The following EXOC4 variants were observed in gnomAD, a reference collection of about 807,000 sequenced individuals.
EXOC4 encodes SEC8-like 1.
Under a neutral mutation model 107.2 loss-of-function variants are expected in EXOC4, and 71 were observed. The ratio of observed to expected loss-of-function variants is 0.66; its 90% CI spans 0.55 to 0.81. The LOEUF (loss-of-function observed/expected upper bound fraction) is 0.81. Among genes scored for constraint, EXOC4 ranks in the 30% least tolerant of loss-of-function variants. The pLI is 0.00. For synonymous variants in EXOC4, 456 were observed against 441.2 expected (o/e 1.03, Z -0.42); for missense variants, 1,108 against 1,189.6 (o/e 0.93, Z 1.01).
intron 2 of EXOC4, among the ~76,000 whole-genome samples, chr7:133,279,533 A>AT (rs1454606502): frequency 6.6e-6 from 1 of 152,178 alleles, no homozygotes; most frequent in African/African-American, 2.4e-5. Flanking sequence ...TATGCTTGCC[A>AT]TTTGAGAGAG....
chr7:133,687,667 A>G (rs1343548306), intron 10 of EXOC4, among the ~76,000 whole-genome samples: 1 of 152,154 alleles, frequency 6.6e-6, no homozygotes, highest in Non-Finnish European at 1.5e-5. Flanking sequence ...CTTCCTTTGC[A>G]GTAATCACCA....
chr7:134,088,745 C>T, the EXOC4 span, among the ~76,000 whole-genome samples: 4 of 152,104 alleles, frequency 2.6e-5, no homozygotes, highest in African/African-American at 9.7e-5. Context: ...ATTGTTTTTG[C>T]ATGACAAAAG....
At chr7:133,735,219 CAAAAAAAAAAAAAAAAAAAA>C (rs56769096) in intron 10 of EXOC4, among the ~76,000 whole-genome samples, 3 of 33,494 alleles carry the variant, frequency 9.0e-5, no homozygotes, top group Admixed American at 7.2e-4. Context: ...GACTCTGTCT[CAAAAAAAAAAAAAAAAAAAA>C]AAAAAAAAAA....
intron 10 of EXOC4, among the ~76,000 whole-genome samples, chr7:133,656,497 C>T (rs564641025): frequency 1.6e-4 from 25 of 151,936 alleles, no homozygotes; most frequent in Non-Finnish European, 2.5e-4. Context: ...ACAGAAAAAG[C>T]GCTAGTAAAA....
intron 9 of EXOC4, among the ~76,000 whole-genome samples, chr7:133,514,147 A>C (rs1330207921): frequency 6.6e-6 from 1 of 151,388 alleles, no homozygotes; most frequent in African/African-American, 2.4e-5. Flanking sequence ...TATCCATCTT[A>C]TTGGAACATC....
At chr7:134,085,645 G>A in the EXOC4 span, among the ~76,000 whole-genome samples, 68 of 152,266 alleles carry the variant, frequency 4.5e-4, 1 homozygote, top group South Asian at 0.013. Flanking sequence ...TCAGCTCCCT[G>A]GGAAAGCTCC....
At chr7:133,492,328 G>A (rs1288918810) in intron 9 of EXOC4, among the ~76,000 whole-genome samples, 1 of 152,076 alleles carries the variant, frequency 6.6e-6, no homozygotes, top group Non-Finnish European at 1.5e-5. Context: ...TGGTGTCTTG[G>A]GTAGGTAATG....
chr7:133,284,849 A>G (rs1563002405), intron 2 of EXOC4, among the ~76,000 whole-genome samples: 1 of 152,076 alleles, frequency 6.6e-6, no homozygotes, highest in African/African-American at 2.4e-5. Context: ...AGATATGTTT[A>G]AAAGTCAAAT....
chr7:133,646,116 AG>A lies in EXOC4; in HGVS notation c.1514+15977del, dbSNP rs567627606. ...TTTGTTTAACGTTGCCTGTCAGAAA[AG>A]GTGCTACAACAAGTCAGTCAGGTTT... On this transcript the variant is annotated intron_variant, in intron 10 of 17. Coordinates refer to ENST00000253861, the MANE Select transcript of EXOC4 (RefSeq NM_021807.4). Among the ~76,000 whole-genome samples, 5 of 152,324 alleles carry A rather than the reference AG, an allele frequency of 3.3e-5. No individual in the cohort carries two copies. The South Asian group carries it at 1.0e-3, about 32-fold the overall frequency.
intron 7 of EXOC4, among the ~76,000 whole-genome samples, chr7:133,407,678 A>G (rs1158060295): frequency 6.6e-6 from 1 of 152,236 alleles, no homozygotes; most frequent in East Asian, 1.9e-4. Context: ...TAGGAGTGAG[A>G]TTAATTTAAA....
chr7:133,578,693 C>T (rs959364184), intron 9 of EXOC4, among the ~76,000 whole-genome samples: 13 of 152,132 alleles, frequency 8.5e-5, no homozygotes, highest in Admixed American at 2.0e-4. Flanking sequence ...GTTGGCATAG[C>T]TGTCAAAGTT....
chr7:133,965,091 C>CT (rs1280379657), intron 14 of EXOC4, among the ~76,000 whole-genome samples: 2 of 152,198 alleles, frequency 1.3e-5, no homozygotes, highest in Non-Finnish European at 2.9e-5. Context: ...TGATGATGAG[C>CT]TTTTTTTCAT....
chr7:133,795,711 T>C (rs1193725739), intron 10 of EXOC4, among the ~76,000 whole-genome samples: 1 of 152,164 alleles, frequency 6.6e-6, no homozygotes, highest in Non-Finnish European at 1.5e-5. Flanking sequence ...AATTAGAATT[T>C]GACCATGATG....
chr7:133,859,009 C>A (rs1798477545), intron 11 of EXOC4, among the ~76,000 whole-genome samples: 1 of 152,118 alleles, frequency 6.6e-6, no homozygotes, highest in Non-Finnish European at 1.5e-5. Context: ...TTCTCCCCTG[C>A]CTCAAAACTT....
intron 9 of EXOC4, among the ~76,000 whole-genome samples, chr7:133,596,750 A>C (rs1801684261): frequency 2.0e-5 from 3 of 152,124 alleles, no homozygotes; most frequent in Admixed American, 2.0e-4. Context: ...CATAGCTCTC[A>C]TAGCTATAAA....
At chr7:133,987,349 C>T (rs1390198299) in intron 14 of EXOC4, among the ~76,000 whole-genome samples, 1 of 74,330 alleles carries the variant, frequency 1.3e-5, no homozygotes, top group African/African-American at 5.3e-5. Context: ...GTAATCCCAG[C>T]TACTTGGGAG....
intron 14 of EXOC4, among the ~76,000 whole-genome samples, chr7:133,946,890 G>A (rs551296338): frequency 2.6e-5 from 4 of 152,126 alleles, no homozygotes; most frequent in Non-Finnish European, 4.4e-5. Context: ...CTGTCATTGA[G>A]TGTCCTCCCT....
At position 133,919,179 on chromosome 7, in the gene EXOC4, T is replaced by TGAAA. The variant is rs1367998306; in HGVS notation, c.2027+1441_2027+1442insGAAA. Among the ~76,000 whole-genome samples the TGAAA allele has an allele frequency of 1.3e-4, 20 of 152,322 alleles. No homozygotes were observed. In the East Asian group the frequency reaches 3.5e-3, roughly 26 times the overall value. ...ATCTGAAAGAAACTTGTTAGCTAGT[T>TGAAA]AATTATATAAGAAAACTGTCTCTCT... On this transcript the variant is annotated intron_variant, in intron 13 of 17. Coordinates refer to ENST00000253861, the MANE Select transcript of EXOC4 (RefSeq NM_021807.4).
At chr7:133,677,883 C>T (rs977923108) in intron 10 of EXOC4, among the ~76,000 whole-genome samples, 1 of 152,086 alleles carries the variant, frequency 6.6e-6, no homozygotes, top group Admixed American at 6.5e-5. Context: ...AGAGACCTTA[C>T]ATCACATAGT....
Sources: allele counts gnomAD v4.1 joint callset (sites outside exome capture counted in the v4.1 genomes callset), GRCh38; gene constraint gnomAD v4.1.1; transcripts MANE v1.5; gene names NCBI Gene and HGNC (gene_info 2026-07-23, HGNC 2026-07-21).